SNTG1: variants seen among roughly 807,000 people sequenced by gnomAD.
SNTG1 encodes syntrophin gamma 1.
SNTG1 carries 39 observed loss-of-function variants against 74.7 expected under a neutral mutation model. That is an observed-to-expected ratio of 0.52 (90% CI 0.40 to 0.68). The LOEUF (loss-of-function observed/expected upper bound fraction) is 0.68, where lower values mean the gene tolerates loss of function less well. Among genes scored for constraint, SNTG1 ranks in the 30% least tolerant of loss-of-function variants. The pLI, the probability that SNTG1 is intolerant of heterozygous loss-of-function variation, is 0.00. For synonymous variants in SNTG1, 254 were observed against 217.1 expected (o/e 1.17, Z -1.49); for missense variants, 685 against 609.5 (o/e 1.12, Z -1.30).
chr8:50,095,460 T>A (rs1253159494), intron 1 of SNTG1, among the ~76,000 whole-genome samples: 1 of 152,180 alleles, frequency 6.6e-6, no homozygotes, highest in African/African-American at 2.4e-5. Context: ...AGTACTGAGG[T>A]CAGGTGGCCT....
chr8:50,778,037 A>AT (rs1214582070), intron 18 of SNTG1, among the ~76,000 whole-genome samples: 2 of 152,066 alleles, frequency 1.3e-5, no homozygotes, highest in African/African-American at 2.4e-5. Flanking sequence ...TGAACTCATC[A>AT]TTTTTTATGG....
At chr8:49,984,840 G>A (rs1351944133) in intron 1 of SNTG1, among the ~76,000 whole-genome samples, 1 of 152,016 alleles carries the variant, frequency 6.6e-6, no homozygotes, top group African/African-American at 2.4e-5. Flanking sequence ...CATTAAAAAT[G>A]TTTGGCTGGA....
intron 15 of SNTG1, among the ~76,000 whole-genome samples, chr8:50,702,123 A>T (rs1441568632): frequency 6.6e-6 from 1 of 152,018 alleles, no homozygotes; most frequent in Non-Finnish European, 1.5e-5. Flanking sequence ...AATTGCTGGG[A>T]TTACTGACAT....
At chr8:50,386,449 GATTAACAAC>G (rs58872087) in intron 2 of SNTG1, among the ~76,000 whole-genome samples, 89,581 of 151,484 alleles carry the variant, frequency 0.59, 26,636 homozygotes, top group East Asian at 0.82. Flanking sequence ...CTGGGAGCAA[GATTAACAAC>G]ATACACCTGT....
At chr8:50,412,377 T>C (rs1270347570) in intron 4 of SNTG1, among the ~76,000 whole-genome samples, 1 of 152,222 alleles carries the variant, frequency 6.6e-6, no homozygotes, top group Non-Finnish European at 1.5e-5. Context: ...AGTTCATAAC[T>C]CTTTCTTTGA....
At chr8:50,152,353 CTT>C (rs1315592059) in intron 1 of SNTG1, among the ~76,000 whole-genome samples, 1 of 152,140 alleles carries the variant, frequency 6.6e-6, no homozygotes, top group Non-Finnish European at 1.5e-5. Flanking sequence ...GGTCTTGACT[CTT>C]TATCCAATTT....
At chr8:50,328,710 G>A (rs140561578) in intron 2 of SNTG1, among the ~76,000 whole-genome samples, 9 of 152,226 alleles carry the variant, frequency 5.9e-5, no homozygotes, top group African/African-American at 1.4e-4. Context: ...ATAATGTGAG[G>A]TGAGATTTGG....
intron 2 of SNTG1, among the ~76,000 whole-genome samples, chr8:50,363,463 A>T (rs947202832): frequency 7.2e-5 from 11 of 152,066 alleles, no homozygotes; most frequent in Non-Finnish European, 1.5e-4. Flanking sequence ...TTGCCTTTAC[A>T]ATTGGACTTT....
At chr8:50,007,658 TC>T (rs758971597) in intron 1 of SNTG1, among the ~76,000 whole-genome samples, 1 of 152,106 alleles carries the variant, frequency 6.6e-6, no homozygotes, top group Non-Finnish European at 1.5e-5. Context: ...GATAAGAGAT[TC>T]CATAGGATTT....
intron 1 of SNTG1, among the ~76,000 whole-genome samples, chr8:49,929,549 G>A (rs1289347751): frequency 1.3e-5 from 2 of 152,176 alleles, no homozygotes; most frequent in Non-Finnish European, 2.9e-5. Flanking sequence ...GACCCAGTGA[G>A]TGAGGCCGGA....
At chr8:50,049,926 T>C (rs773044977) in intron 1 of SNTG1, among the ~76,000 whole-genome samples, 8 of 151,876 alleles carry the variant, frequency 5.3e-5, no homozygotes, top group African/African-American at 1.9e-4. Flanking sequence ...AATACTATAA[T>C]ACATGTCAAA....
chr8:49,924,853 G>C (rs1162198019), intron 1 of SNTG1, among the ~76,000 whole-genome samples: 1 of 151,788 alleles, frequency 6.6e-6, no homozygotes, highest in Admixed American at 6.6e-5. Flanking sequence ...AATTCCCTTC[G>C]TAGATGCAGC....
chr8:50,269,421 T>A (rs755079397), intron 2 of SNTG1, among the ~76,000 whole-genome samples: 1 of 152,180 alleles, frequency 6.6e-6, no homozygotes, highest in African/African-American at 2.4e-5. Flanking sequence ...GTCATAATTA[T>A]GGTCATGATA....
intron 1 of SNTG1, among the ~76,000 whole-genome samples, chr8:50,111,395 T>C (rs1307380041): frequency 1.3e-5 from 2 of 149,106 alleles, no homozygotes; most frequent in South Asian, 2.2e-4. Context: ...CCAGAAAGTA[T>C]ATCCTCTCTC....
chr8:50,137,081 C>A (rs2081498201), intron 1 of SNTG1, among the ~76,000 whole-genome samples: 1 of 152,124 alleles, frequency 6.6e-6, no homozygotes, highest in Non-Finnish European at 1.5e-5. Context: ...ACTTCATTTT[C>A]AGCAGAGTAG....
At chr8:50,160,077 G>A (rs1439620376) in intron 1 of SNTG1, among the ~76,000 whole-genome samples, 1 of 152,154 alleles carries the variant, frequency 6.6e-6, no homozygotes, top group African/African-American at 2.4e-5. Flanking sequence ...AACATATTGA[G>A]TAATGTGTTT....
chr8:50,593,703 A>T (rs546265090), intron 13 of SNTG1, among the ~76,000 whole-genome samples: 3 of 147,982 alleles, frequency 2.0e-5, no homozygotes, highest in Non-Finnish European at 3.0e-5. Flanking sequence ...TTCTATTAAG[A>T]TTCTGATTTG....
At chr8:50,107,221 C>A (rs1414131247) in intron 1 of SNTG1, among the ~76,000 whole-genome samples, 1 of 152,134 alleles carries the variant, frequency 6.6e-6, no homozygotes, top group African/African-American at 2.4e-5. Context: ...TCAAGACTAT[C>A]CTAAGTTGCC....
At chr8:50,625,743 C>T (rs964703668) in intron 13 of SNTG1, among the ~76,000 whole-genome samples, 4 of 152,100 alleles carry the variant, frequency 2.6e-5, no homozygotes, top group Non-Finnish European at 5.9e-5. Flanking sequence ...AATTCATTAG[C>T]GAATATTCCC....
Sources: allele counts gnomAD v4.1 joint callset (sites outside exome capture counted in the v4.1 genomes callset), GRCh38; gene constraint gnomAD v4.1.1; transcripts MANE v1.5; gene names NCBI Gene and HGNC (gene_info 2026-07-23, HGNC 2026-07-21).